NALF1: variants seen among roughly 807,000 people sequenced by gnomAD.
The protein encoded by NALF1 is family with sequence similarity 155 member A.
In NALF1, 3 loss-of-function variants were observed where a neutral mutation model predicts 48.4. The observed-to-expected ratio is 0.06, with a 90% CI of 0.03 to 0.16. The LOEUF is 0.16. Ranked by LOEUF, NALF1 falls within the 10% of genes least tolerant of loss-of-function variation. The probability of loss-of-function intolerance (pLI) is 1.00; values close to 1 mark genes in which losing one functional copy is unlikely to be tolerated. For missense variants in NALF1, 526 were observed against 571.5 expected (o/e 0.92, Z 0.81); for synonymous variants, 262 against 245.7 (o/e 1.07, Z -0.62).
intron 1 of NALF1, among the ~76,000 whole-genome samples, chr13:107,409,690 G>T (rs1287652594): frequency 6.6e-6 from 1 of 152,158 alleles, no homozygotes; most frequent in Non-Finnish European, 1.5e-5. Flanking sequence ...TCAAATTGGT[G>T]TTAATATGAT....
At chr13:107,860,163 C>T (rs912321764) in intron 1 of NALF1, among the ~76,000 whole-genome samples, 1 of 152,088 alleles carries the variant, frequency 6.6e-6, no homozygotes, top group African/African-American at 2.4e-5. Context: ...TCCACACATC[C>T]ATCTCCTTCT....
At chr13:107,820,343 C>G (rs1376930070) in intron 1 of NALF1, among the ~76,000 whole-genome samples, 1 of 152,138 alleles carries the variant, frequency 6.6e-6, no homozygotes, top group Non-Finnish European at 1.5e-5. Flanking sequence ...TATATTTTCA[C>G]GAGCATGACT....
intron 1 of NALF1, among the ~76,000 whole-genome samples, chr13:107,319,451 T>C (rs1240476870): frequency 6.6e-6 from 1 of 151,994 alleles, no homozygotes; most frequent in Admixed American, 6.6e-5. Context: ...AGAACACCAC[T>C]GGATAAACAG....
intron 1 of NALF1, among the ~76,000 whole-genome samples, chr13:107,611,748 G>C (rs1879228120): frequency 1.3e-5 from 2 of 151,254 alleles, no homozygotes; most frequent in African/African-American, 2.4e-5. Flanking sequence ...AAAAGCAAGA[G>C]AGAGATAAAA....
chr13:107,298,401 C>T (rs1292642117), intron 1 of NALF1, among the ~76,000 whole-genome samples: 2 of 139,978 alleles, frequency 1.4e-5, no homozygotes, highest in Admixed American at 7.2e-5. Flanking sequence ...CACACACACA[C>T]ATACATATAC....
chr13:107,357,599 A>G (rs1202182311), intron 1 of NALF1, among the ~76,000 whole-genome samples: 2 of 152,204 alleles, frequency 1.3e-5, no homozygotes, highest in Admixed American at 6.5e-5. Context: ...AGGGACCAGG[A>G]AACGCCTTAT....
At chr13:107,502,280 G>A (rs1164156153) in intron 1 of NALF1, among the ~76,000 whole-genome samples, 1 of 152,138 alleles carries the variant, frequency 6.6e-6, no homozygotes, top group Non-Finnish European at 1.5e-5. Flanking sequence ...AGATGTTTGA[G>A]ATTTCTGGGC....
intron 1 of NALF1, among the ~76,000 whole-genome samples, chr13:107,687,345 T>G (rs1392524106): frequency 6.6e-6 from 1 of 151,956 alleles, no homozygotes. Context: ...GCTGCAAATC[T>G]ACTTCTTGGA....
chr13:107,225,215 G>T (rs1372806388), intron 1 of NALF1, among the ~76,000 whole-genome samples: 1 of 152,090 alleles, frequency 6.6e-6, no homozygotes, highest in Non-Finnish European at 1.5e-5. Flanking sequence ...CACCATGTTG[G>T]CCAGGCTGGT....
chr13:107,208,473 T>C (rs771172997), intron 2 of NALF1, among the ~76,000 whole-genome samples: 25 of 152,342 alleles, frequency 1.6e-4, no homozygotes, highest in Non-Finnish European at 3.4e-4. Flanking sequence ...TGGGTGAACA[T>C]TCAAACATAT....
At chr13:107,417,057 C>G (rs118177344) in intron 1 of NALF1, among the ~76,000 whole-genome samples, 40 of 152,162 alleles carry the variant, frequency 2.6e-4, no homozygotes, top group African/African-American at 9.4e-4. Context: ...CATCCCATCC[C>G]GACATTATCC....
At chr13:107,410,919 A>G (rs955918461) in intron 1 of NALF1, among the ~76,000 whole-genome samples, 2 of 152,310 alleles carry the variant, frequency 1.3e-5, no homozygotes. Context: ...TGCCCAGTTC[A>G]CGGGAGTTCC....
chr13:107,538,852 C>T (rs1876915916), intron 1 of NALF1, among the ~76,000 whole-genome samples: 1 of 152,082 alleles, frequency 6.6e-6, no homozygotes, highest in Non-Finnish European at 1.5e-5. Context: ...CAGCATAGCA[C>T]TTTAAATATA....
intron 1 of NALF1, among the ~76,000 whole-genome samples, chr13:107,381,750 T>C (rs1432641994): frequency 6.6e-6 from 1 of 152,210 alleles, no homozygotes; most frequent in Admixed American, 6.5e-5. Flanking sequence ...CTCTTGCTTG[T>C]GCTTAGCACT....
Position 107,336,637 on chromosome 13 carries a change from C to T in NALF1, c.916-125882G>A, listed in dbSNP as rs530322318. On this transcript the variant is annotated intron_variant, in intron 1 of 2. Coordinates refer to ENST00000375915, the MANE Select transcript of NALF1 (RefSeq NM_001080396.3). ...AACCAACCCTGTCCTCCACTTCCTC[C>T]GTGGTATTAATGGGATCTGAATGTT... is the stretch of plus-strand genomic sequence containing the variant. 4.5e-4 allele frequency among the ~76,000 whole-genome samples: 69 copies of T among 152,106 alleles called. 1 individual carries two copies. The highest frequency in any genetic ancestry group is 1.4e-3 in the African/African-American group (57 of 41,492).
At chr13:107,209,977 G>T (rs1046915152) in intron 2 of NALF1, among the ~76,000 whole-genome samples, 1 of 152,000 alleles carries the variant, frequency 6.6e-6, no homozygotes, top group African/African-American at 2.4e-5. Flanking sequence ...TCCAGAAAAG[G>T]AGTGCTGATA....
At chr13:107,246,161 G>A (rs1281304470) in intron 1 of NALF1, among the ~76,000 whole-genome samples, 1 of 151,900 alleles carries the variant, frequency 6.6e-6, no homozygotes, top group Non-Finnish European at 1.5e-5. Flanking sequence ...AGCATCAGGG[G>A]TAAATATAAA....
intron 1 of NALF1, among the ~76,000 whole-genome samples, chr13:107,507,596 A>T (rs1875742082): frequency 5.1e-5 from 1 of 19,616 alleles, no homozygotes; most frequent in Non-Finnish European, 2.9e-4. Context: ...TTCTCCATTA[A>T]AAAAAAAAAA....
At chr13:107,227,930 A>C (rs1395626540) in intron 1 of NALF1, among the ~76,000 whole-genome samples, 1 of 152,238 alleles carries the variant, frequency 6.6e-6, no homozygotes, top group Non-Finnish European at 1.5e-5. Flanking sequence ...GGCAAAGAGC[A>C]ATATTTCAAA....
Sources: allele counts gnomAD v4.1 joint callset (sites outside exome capture counted in the v4.1 genomes callset), GRCh38; gene constraint gnomAD v4.1.1; transcripts MANE v1.5; gene names NCBI Gene and HGNC (gene_info 2026-07-23, HGNC 2026-07-21).